SYT1: variants seen among roughly 807,000 people sequenced by gnomAD.
The protein encoded by SYT1 is synaptotagmin-1.
SYT1 carries 8 observed loss-of-function variants against 44.8 expected under a neutral mutation model. The ratio of observed to expected loss-of-function variants is 0.18; its 90% confidence interval spans 0.10 to 0.32. SYT1 has a LOEUF of 0.32. Among genes scored for constraint, SYT1 ranks in the 10% least tolerant of loss-of-function variants. The probability of loss-of-function intolerance (pLI) is 1.00; values close to 1 mark genes in which losing one functional copy is unlikely to be tolerated. For missense variants in SYT1, 286 were observed against 509.3 expected, an observed-to-expected ratio of 0.56 and a Z score of 4.22; for synonymous variants, 154 against 188.8, an observed-to-expected ratio of 0.82 and a Z score of 1.51.
chr12:79,034,776 G>C (rs1206494438), intron 2 of SYT1, among the ~76,000 whole-genome samples: 1 of 151,616 alleles, frequency 6.6e-6, no homozygotes, highest in African/African-American at 2.4e-5. Flanking sequence ...TGTGAACAAA[G>C]CTGTATTATT....
chr12:79,309,848 T>C (rs1446128496), intron 8 of SYT1, among the ~76,000 whole-genome samples: 1 of 152,144 alleles, frequency 6.6e-6, no homozygotes, highest in East Asian at 1.9e-4. Flanking sequence ...CAGGAATTAG[T>C]TTGGGGATGG....
chr12:79,190,873 T>C (rs1364815348), intron 3 of SYT1, among the ~76,000 whole-genome samples: 5 of 152,144 alleles, frequency 3.3e-5, no homozygotes. Flanking sequence ...ATATATTACA[T>C]GTTTTGTATC....
intron 4 of SYT1, among the ~76,000 whole-genome samples, chr12:79,219,420 T>A (rs1875016214): frequency 6.6e-6 from 1 of 152,110 alleles, no homozygotes; most frequent in South Asian, 2.1e-4. Flanking sequence ...CAAAAAGTTA[T>A]TGTCAAGACC....
chr12:79,001,261 A>C (rs556340458), intron 2 of SYT1, among the ~76,000 whole-genome samples: 1 of 95,416 alleles, frequency 1.0e-5, no homozygotes, highest in Non-Finnish European at 2.1e-5. Flanking sequence ...CATTTCTTTT[A>C]AAAAAAAAAA....
chr12:79,331,609 T>C (rs556170810), intron 8 of SYT1, among the ~76,000 whole-genome samples: 35 of 152,306 alleles, frequency 2.3e-4, no homozygotes, highest in Non-Finnish European at 4.9e-4. Context: ...TTTGTCCCTT[T>C]GCAGCATTTT....
chr12:79,443,983 C>T, intron 9 of SYT1, 90 bp from the exon 10 acceptor site: 2 of 1,359,564 alleles, frequency 1.5e-6, no homozygotes, highest in South Asian at 2.7e-5. Context: ...TAATTATTTA[C>T]CTGTGGGAAA....
chr12:79,373,596 T>A (rs559976480), intron 9 of SYT1, among the ~76,000 whole-genome samples: 5 of 152,278 alleles, frequency 3.3e-5, no homozygotes, highest in Admixed American at 3.3e-4. Context: ...TTATAGATGG[T>A]CACATCAAAA....
chr12:78,884,416 G>GT (rs1050141438), intron 1 of SYT1, among the ~76,000 whole-genome samples: 1 of 151,446 alleles, frequency 6.6e-6, no homozygotes, highest in Non-Finnish European at 1.5e-5. Flanking sequence ...TGATAATTTA[G>GT]TTTTTTTCTA....
chr12:79,318,073 C>T (rs1446183864), intron 8 of SYT1, among the ~76,000 whole-genome samples: 2 of 152,144 alleles, frequency 1.3e-5, no homozygotes, highest in African/African-American at 4.8e-5. Context: ...AAATGTACTG[C>T]AATGGGAACT....
chr12:79,195,621 A>T (rs1424965314), intron 3 of SYT1, among the ~76,000 whole-genome samples: 1 of 152,152 alleles, frequency 6.6e-6, no homozygotes, highest in Non-Finnish European at 1.5e-5. Flanking sequence ...ATAACCACAT[A>T]GTCATCATCA....
At chr12:79,110,389 A>G (rs1438473924) in intron 3 of SYT1, among the ~76,000 whole-genome samples, 3 of 152,180 alleles carry the variant, frequency 2.0e-5, no homozygotes, top group Non-Finnish European at 4.4e-5. Context: ...TGAATAGGAC[A>G]TAAGTCCTTT....
intron 1 of SYT1, among the ~76,000 whole-genome samples, chr12:78,941,071 T>TC (rs1176019018): frequency 7.4e-6 from 1 of 135,696 alleles, no homozygotes; most frequent in East Asian, 2.1e-4. Flanking sequence ...TTTTCTTTTT[T>TC]TTTTTTTTTT....
intron 3 of SYT1, among the ~76,000 whole-genome samples, chr12:79,215,076 C>T (rs1320754752): frequency 1.3e-5 from 2 of 151,852 alleles, no homozygotes; most frequent in African/African-American, 4.8e-5. Flanking sequence ...GCAAACAAAA[C>T]TTCAAAGTTT....
intron 2 of SYT1, among the ~76,000 whole-genome samples, chr12:79,012,951 G>T (rs1426822423): frequency 6.6e-6 from 1 of 151,978 alleles, no homozygotes; most frequent in Non-Finnish European, 1.5e-5. Context: ...ACTGTGCCAT[G>T]CTCCTTTCTA....
chr12:79,430,682 G>A (rs1487306086), intron 9 of SYT1, among the ~76,000 whole-genome samples: 1 of 152,196 alleles, frequency 6.6e-6, no homozygotes, highest in African/African-American at 2.4e-5. Flanking sequence ...AGCTACTTGG[G>A]AGGCTGAGGT....
intron 4 of SYT1, among the ~76,000 whole-genome samples, chr12:79,241,906 G>A (rs1876536979): frequency 6.6e-6 from 1 of 152,176 alleles, no homozygotes; most frequent in African/African-American, 2.4e-5. Flanking sequence ...TAGAAGAGAA[G>A]AGAGATACAC....
chr12:79,090,262 C>T (rs1877681647), intron 3 of SYT1, among the ~76,000 whole-genome samples: 1 of 151,964 alleles, frequency 6.6e-6, no homozygotes. Context: ...TAAGTTGGTA[C>T]AGCCTGTTCA....
intron 1 of SYT1, among the ~76,000 whole-genome samples, chr12:78,970,950 A>T (rs1592617606): frequency 6.6e-6 from 1 of 152,340 alleles, no homozygotes; most frequent in African/African-American, 2.4e-5. Context: ...AGAGCTCAAG[A>T]CCAGCCTGGC....
At chr12:79,343,655 T>C (rs1882474405) in intron 8 of SYT1, among the ~76,000 whole-genome samples, 1 of 152,228 alleles carries the variant, frequency 6.6e-6, no homozygotes, top group African/African-American at 2.4e-5. Flanking sequence ...TTATTTTGTC[T>C]TTTGTCAGTA....
Sources: allele counts gnomAD v4.1 joint callset (sites outside exome capture counted in the v4.1 genomes callset), GRCh38; gene constraint gnomAD v4.1.1; transcripts MANE v1.5; gene names NCBI Gene and HGNC (gene_info 2026-07-23, HGNC 2026-07-21).